Variants in POLH observed in about 807,000 individuals in gnomAD.
The protein encoded by POLH is DNA polymerase eta transcript.
In POLH, 53 loss-of-function variants were observed where a neutral mutation model predicts 73.6. The ratio of observed to expected loss-of-function variants is 0.72; its 90% CI spans 0.58 to 0.91. The LOEUF is 0.91. Among genes scored for constraint, POLH ranks in the 40% least tolerant of loss-of-function variants. The pLI, the probability that POLH is intolerant of heterozygous loss-of-function variation, is 0.00. For synonymous variants in POLH, 292 were observed against 308.5 expected (o/e 0.95, Z 0.56); for missense variants, 768 against 865.4 (o/e 0.89, Z 1.41).
intron 1 of POLH, among the ~76,000 whole-genome samples, chr6:43,580,828 A>C (rs1764034813): frequency 7.7e-6 from 1 of 130,686 alleles, no homozygotes; most frequent in Non-Finnish European, 1.6e-5. Flanking sequence ...CTCACTTCCC[A>C]GTAGGGGCGG....
Position 43,609,522 on chromosome 6 carries a change from G to C in POLH, c.1075-1032G>C, listed in dbSNP as rs115294307. 4.9e-3 allele frequency among the ~76,000 whole-genome samples: 745 copies of C among 152,220 alleles called. 5 individuals are homozygous for C. The highest frequency in any genetic ancestry group is 0.016 in the African/African-American group (679 of 41,552). The stretch of plus-strand genomic sequence containing the variant: ...TCACCTTCTTATATTTCTGCCTCTT[G>C]ACCATTATGTCTCAGTTTGCTGAGA... On this transcript the variant is annotated intron_variant, in intron 9 of 10. Coordinates refer to ENST00000372236, the MANE Select transcript of POLH (RefSeq NM_006502.3).
Position 43,614,603 on chromosome 6 carries a change from A to G in POLH, c.*46A>G. 1 of 1,459,398 alleles carries G rather than the reference A, an allele frequency of 6.9e-7. No individual in the cohort carries two copies. The highest frequency in any genetic ancestry group is 9.5e-7 in the Non-Finnish European group (1 of 1,050,980). 90.4% of individuals were successfully genotyped at this position (1,459,398 alleles called of 1,614,324 possible). A position where few individuals can be genotyped will look rare whatever the true frequency, so the allele number is the denominator to read the frequency against. On this transcript the variant is annotated 3_prime_UTR_variant, in exon 11 of 11. Coordinates refer to ENST00000372236, the MANE Select transcript of POLH (RefSeq NM_006502.3). Reference sequence around the variant, plus strand: ...GTAGGATTTAATATTTTTTATCTTTACAGATCTTTATCTTTAATATTTTAT... The same window carrying G: ...GTAGGATTTAATATTTTTTATCTTTGCAGATCTTTATCTTTAATATTTTAT...
Position 43,603,929 on chromosome 6 carries a change from G to C in POLH, c.802G>C (p.Glu268Gln). The C allele has an allele frequency of 6.2e-7, 1 of 1,612,970 alleles. No homozygotes were observed. The highest frequency in any genetic ancestry group is 8.5e-7 in the Non-Finnish European group (1 of 1,179,016). ...AGGAAAGCTAGGGGCCTCTGTCATT[G>C]AGATCCTAGGGATAGAATACATGGG... ...LGGKLGASVIEILGIEYMGEL... is the reference protein window; with the variant it reads ...LGGKLGASVIQILGIEYMGEL... The change falls in exon 7 of 11, where the codon GAG (glutamate) becomes CAG (glutamine). Residue 268 changes from glutamate (E) to glutamine (Q), a missense_variant. Glu to Gln is a conservative substitution (Grantham distance 29). Coordinates refer to ENST00000372236, the MANE Select transcript of POLH (RefSeq NM_006502.3).
intron 1 of POLH, among the ~76,000 whole-genome samples, chr6:43,577,684 T>C (rs1303620574): frequency 1.3e-5 from 2 of 152,220 alleles, no homozygotes; most frequent in East Asian, 3.8e-4. Flanking sequence ...CACTCAACTG[T>C]ATAACCTGTG....
Position 43,617,927 on chromosome 6 carries a change from A to G in POLH, c.*3370A>G, listed in dbSNP as rs1768457377. ...CAGCAAGACTGTCTCAAAAAAAAAA[A>G]AATTCCCAATGTGTATCTTAAAGTT... On this transcript the variant is annotated 3_prime_UTR_variant, in exon 11 of 11. Coordinates refer to ENST00000372236, the MANE Select transcript of POLH (RefSeq NM_006502.3). Among the ~76,000 whole-genome samples, 1 of 152,156 alleles carries G rather than the reference A, an allele frequency of 6.6e-6. No homozygotes were observed. Among genetic ancestry groups the G allele is most frequent in the Non-Finnish European group, 1.5e-5 (1 of 68,042 alleles).
At chr6:43,594,944 G>A (rs1765869322) in intron 4 of POLH, among the ~76,000 whole-genome samples, 1 of 151,262 alleles carries the variant, frequency 6.6e-6, no homozygotes, top group East Asian at 2.0e-4. Flanking sequence ...CAAGGCTGGG[G>A]GCTGGGGAGG....
intron 4 of POLH, among the ~76,000 whole-genome samples, chr6:43,595,819 C>T (rs560532761): frequency 9.2e-5 from 14 of 151,564 alleles, no homozygotes; most frequent in Non-Finnish European, 1.6e-4. Flanking sequence ...TAAAGTTCCT[C>T]AGCACAATGG....
rs1431236075 is a variant in POLH, at chr6:43,614,791, A to G, written c.*234A>G. On this transcript the variant is annotated 3_prime_UTR_variant, in exon 11 of 11. Transcript: ENST00000372236. Reference sequence around the variant, plus strand: ...CCTACCAGAGTTTTTAATCTTTAGCATTTAGGGAGGCAGTGTCATAAAGTA... The same window carrying G: ...CCTACCAGAGTTTTTAATCTTTAGCGTTTAGGGAGGCAGTGTCATAAAGTA... 2.0e-6 allele frequency: 1 copy of G among 506,436 alleles called. No individual in the cohort carries two copies. Among genetic ancestry groups the G allele is most frequent in the African/African-American group, 1.9e-5 (1 of 51,926 alleles). The allele number at this position is 506,436 out of a possible 1,614,324, so 31.4% of individuals were successfully genotyped here. A position where few individuals can be genotyped will look rare whatever the true frequency, so the allele number is the denominator to read the frequency against.
intron 1 of POLH, among the ~76,000 whole-genome samples, chr6:43,576,904 C>G (rs542554417): frequency 1.3e-5 from 2 of 152,332 alleles, no homozygotes; most frequent in East Asian, 3.9e-4. Context: ...GCCTGTAATC[C>G]CAGCACTTTG....
At chr6:43,602,525 AAAG>A (rs1766846307) in intron 6 of POLH, among the ~76,000 whole-genome samples, 1 of 152,200 alleles carries the variant, frequency 6.6e-6, no homozygotes, top group South Asian at 2.1e-4. Context: ...TTTTTAGCAC[AAAG>A]AAGGGAAAGT....
chr6:43,600,931 T>A, intron 5 of POLH, 57 bp from the exon 6 acceptor site: 2 of 1,054,228 alleles, frequency 1.9e-6, no homozygotes, highest in South Asian at 2.5e-5. Flanking sequence ...TATGTTTATA[T>A]TCACCAACTT....
At chr6:43,603,788 C>A in intron 6 of POLH, 104 bp from the exon 7 acceptor site, 2 of 1,137,152 alleles carry the variant, frequency 1.8e-6, no homozygotes, top group Non-Finnish European at 2.7e-6. Flanking sequence ...CTCATTTGTC[C>A]TGAACCTTTT....
chr6:43,602,904 A>G (rs148133883), intron 6 of POLH, among the ~76,000 whole-genome samples: 21 of 151,462 alleles, frequency 1.4e-4, no homozygotes, highest in East Asian at 5.8e-4. Flanking sequence ...CTGGCCTCCA[A>G]TGATCTGCCT....
At chr6:43,581,284 T>C (rs1280415207) in intron 1 of POLH, among the ~76,000 whole-genome samples, 3 of 139,702 alleles carry the variant, frequency 2.1e-5, no homozygotes, top group African/African-American at 8.3e-5. Flanking sequence ...GCTCCCCACA[T>C]CTCAGACGAT....
chr6:43,616,655 C>A lies in POLH; in HGVS notation c.*2098C>A, dbSNP rs899126576. Among the ~76,000 whole-genome samples, 11 of 151,788 alleles carry A rather than the reference C, an allele frequency of 7.2e-5. No homozygotes were observed. The highest frequency in any genetic ancestry group is 3.9e-4 in the Admixed American group (6 of 15,234). Reference sequence around the variant, plus strand: ...ACGGGCAGTTCAGATAATACCTTCACCAGATTTACCTGTTTTCAGCTGAAG... The same window carrying A: ...ACGGGCAGTTCAGATAATACCTTCAACAGATTTACCTGTTTTCAGCTGAAG... On this transcript the variant is annotated 3_prime_UTR_variant, in exon 11 of 11. Transcript: ENST00000372236.
Position 43,614,292 on chromosome 6 carries a change from T to A in POLH, c.1877T>A (p.Leu626His). The change falls in exon 11 of 11, where the codon CTT becomes CAT. Residue 626 changes from leucine to histidine, a missense_variant. Transcript: ENST00000372236. ...CAGAAAGCAACCCCAAATCCAAGTC[T>A]TCTAGCTGCTGAGGACCAAGTGCCC... Reference protein sequence around the residue: ...VTQKATPNPSLLAAEDQVPCE... With the variant: ...VTQKATPNPSHLAAEDQVPCE... The A allele has an allele frequency of 6.3e-7, 1 of 1,599,216 alleles. No individual in the cohort carries two copies. Among genetic ancestry groups the A allele is most frequent in the Non-Finnish European group, 8.5e-7 (1 of 1,171,076 alleles).
intron 1 of POLH, among the ~76,000 whole-genome samples, chr6:43,580,199 CAT>C (rs1244859385): frequency 1.4e-5 from 2 of 144,704 alleles, no homozygotes; most frequent in Non-Finnish European, 3.0e-5. Context: ...GGACACAGCA[CAT>C]GTTTCAGAGA....
intron 1 of POLH, among the ~76,000 whole-genome samples, chr6:43,580,912 C>G: frequency 6.6e-6 from 1 of 151,062 alleles, no homozygotes; most frequent in East Asian, 2.0e-4. Flanking sequence ...CACCTCCCTC[C>G]CGGACGGCAC....
Position 43,614,663 on chromosome 6 carries a change from AT to A in POLH, c.*111del. 1 of 1,032,170 alleles carries A rather than the reference AT, an allele frequency of 9.7e-7. No homozygotes were observed. The highest frequency in any genetic ancestry group is 1.4e-6 in the Non-Finnish European group (1 of 709,204). 63.9% of individuals were successfully genotyped at this position (1,032,170 alleles called of 1,614,324 possible). ...TTTCCCTGAGAAAGGGAATTATGAA[AT>A]TTTTAATACAAAAAATAATCCATTT... On this transcript the variant is annotated 3_prime_UTR_variant, in exon 11 of 11. Coordinates refer to ENST00000372236, the MANE Select transcript of POLH (RefSeq NM_006502.3).
Sources: gnomAD v4.1 joint callset for allele counts (sites outside exome capture counted in the v4.1 genomes callset) on GRCh38, gnomAD v4.1.1 for gene constraint, MANE v1.5 for transcripts, NCBI Gene and HGNC (gene_info 2026-07-23, HGNC 2026-07-21) for gene names.